Variants in INPP5D observed in about 807,000 individuals in gnomAD.
INPP5D encodes the protein inositol polyphosphate-5-phosphatase D, also known as phosphatidylinositol 3,4,5-trisphosphate 5-phosphatase 1.
Under a neutral mutation model 122.9 loss-of-function variants are expected in INPP5D, and 33 were observed. That is an observed-to-expected ratio of 0.27 (90% confidence interval 0.20 to 0.36). INPP5D has a LOEUF of 0.36. Among genes scored for constraint, INPP5D ranks in the 10% least tolerant of loss-of-function variants. The probability of loss-of-function intolerance (pLI) is 1.00; values close to 1 mark genes in which losing one functional copy is unlikely to be tolerated. For synonymous variants in INPP5D, 584 were observed against 576.2 expected (o/e 1.01, Z -0.19); for missense variants, 1,053 against 1,412.7 (o/e 0.75, Z 4.08).
intron 9 of INPP5D, among the ~76,000 whole-genome samples, chr2:233,149,958 G>A (rs911731407): frequency 2.6e-4 from 39 of 152,276 alleles, no homozygotes; most frequent in Middle Eastern, 3.4e-3. Flanking sequence ...TGATCTCAGG[G>A]AATGGCTGGG....
chr2:233,173,210 A>G (rs969510862), intron 17 of INPP5D, among the ~76,000 whole-genome samples: 22 of 57,744 alleles, frequency 3.8e-4, no homozygotes, highest in Non-Finnish European at 8.3e-4. Flanking sequence ...CTGTGTCTCA[A>G]AAAAAAAAAA....
intron 10 of INPP5D, 67 bp downstream of exon 10, chr2:233,158,486 G>A (rs967217621): frequency 4.4e-5 from 29 of 655,208 alleles, no homozygotes; most frequent in African/African-American, 2.0e-4. Context: ...TTTGAGGCTC[G>A]CTGTGTGCCA....
chr2:233,156,052 A>G (rs185082765), intron 9 of INPP5D, among the ~76,000 whole-genome samples: 1 of 152,356 alleles, frequency 6.6e-6, no homozygotes, highest in Non-Finnish European at 1.5e-5. Flanking sequence ...GAAAAGACAC[A>G]TGCATAGGAT....
At chr2:233,108,357 C>T (rs1034991152) in intron 2 of INPP5D, among the ~76,000 whole-genome samples, 3 of 152,208 alleles carry the variant, frequency 2.0e-5, no homozygotes, top group Admixed American at 6.5e-5. Context: ...CATCTCTGAC[C>T]GCTCAGGCAA....
chr2:233,179,565 C>G (rs1241246147), intron 18 of INPP5D, among the ~76,000 whole-genome samples: 1 of 152,200 alleles, frequency 6.6e-6, no homozygotes, highest in Non-Finnish European at 1.5e-5. Flanking sequence ...CCCCCACCTC[C>G]GGGCCCGGAA....
intron 2 of INPP5D, among the ~76,000 whole-genome samples, chr2:233,120,122 C>T (rs887786823): frequency 1.3e-5 from 2 of 152,182 alleles, no homozygotes; most frequent in Non-Finnish European, 2.9e-5. Context: ...AGCTGGCAGC[C>T]CCCAGAGGAG....
intron 9 of INPP5D, among the ~76,000 whole-genome samples, chr2:233,156,124 G>A (rs1011309684): frequency 1.3e-5 from 2 of 152,250 alleles, no homozygotes; most frequent in African/African-American, 4.8e-5. Flanking sequence ...TGAGTGTCAG[G>A]AAGATGCTGG....
At chr2:233,101,576 T>C (rs1692311734) in intron 2 of INPP5D, among the ~76,000 whole-genome samples, 1 of 146,990 alleles carries the variant, frequency 6.8e-6, no homozygotes, top group Non-Finnish European at 1.5e-5. Flanking sequence ...ATATGTCATA[T>C]AACATTATTA....
intron 19 of INPP5D, among the ~76,000 whole-genome samples, chr2:233,182,793 G>A (rs1355900050): frequency 3.9e-5 from 6 of 152,170 alleles, no homozygotes; most frequent in South Asian, 2.1e-4. Context: ...ATAATTCTCC[G>A]GGTGGGATGG....
intron 25 of INPP5D, among the ~76,000 whole-genome samples, 183 bp from the exon 26 acceptor site, chr2:233,203,943 T>A (rs745967738): frequency 2.0e-5 from 3 of 152,122 alleles, no homozygotes; most frequent in African/African-American, 4.8e-5. Context: ...CGAGACTCTG[T>A]CTCTAAAACA....
chr2:233,168,633 A>T (rs1036270195), intron 13 of INPP5D, among the ~76,000 whole-genome samples: 2 of 152,250 alleles, frequency 1.3e-5, no homozygotes, highest in African/African-American at 4.8e-5. Context: ...GAATGACAAA[A>T]GATGGTTTTT....
intron 2 of INPP5D, among the ~76,000 whole-genome samples, chr2:233,110,494 C>A (rs1182244772): frequency 2.0e-5 from 3 of 152,138 alleles, no homozygotes; most frequent in Non-Finnish European, 2.9e-5. Flanking sequence ...GCCACCGCGC[C>A]CAGCAACAAG....
intron 25 of INPP5D, among the ~76,000 whole-genome samples, chr2:233,201,196 C>T (rs1355377321): frequency 6.6e-6 from 1 of 152,052 alleles, no homozygotes; most frequent in Non-Finnish European, 1.5e-5. Context: ...AATATGAGGA[C>T]AAAAGGCACT....
chr2:233,174,949 G>C (rs557298054), intron 17 of INPP5D, among the ~76,000 whole-genome samples: 1 of 152,118 alleles, frequency 6.6e-6, no homozygotes, highest in African/African-American at 2.4e-5. Flanking sequence ...ATGTTTAGCC[G>C]GGCATGGTGG....
chr2:233,176,394 T>A (rs951232869), intron 17 of INPP5D, among the ~76,000 whole-genome samples: 105 of 150,394 alleles, frequency 7.0e-4, no homozygotes, highest in African/African-American at 2.4e-3. Flanking sequence ...GGTGGATGGA[T>A]GGATGGATAG....
At chr2:233,190,037 C>A in intron 22 of INPP5D, 100 bp downstream of exon 22, 3 of 1,503,070 alleles carry the variant, frequency 2.0e-6, no homozygotes, top group Admixed American at 2.2e-5. Context: ...CGGTCATAGG[C>A]TCCTGCCTCT....
In INPP5D at chr2:233,206,943, G is replaced by T; in HGVS notation, c.*235G>T. 1 of 514,582 alleles carries T rather than the reference G, an allele frequency of 1.9e-6. No individual in the cohort carries two copies. The highest frequency in any genetic ancestry group is 3.5e-6 in the Non-Finnish European group (1 of 285,744). 31.9% of individuals were successfully genotyped at this position (514,582 alleles called of 1,614,324 possible). A position where few individuals can be genotyped will look rare whatever the true frequency, so the allele number is the denominator to read the frequency against. ...CACCAGACGGGCAACAAACAGTCTG[G>T]GTCCCCAGCTCGCTCTTGGTACTTG... On this transcript the variant is annotated 3_prime_UTR_variant, in exon 27 of 27. Transcript: ENST00000445964. This position sits in a 1 kb window ranked among gnomAD's most constrained non-coding sequence, Gnocchi z 4.0.
rs1187503291 is a variant in INPP5D at position 233,130,589 on chromosome 2, G to A, written c.606G>A (p.Gly202=). The A allele has an allele frequency of 1.2e-6, 2 of 1,613,926 alleles. No homozygotes were observed. Among genetic ancestry groups the A allele is most frequent in the Non-Finnish European group, 1.7e-6 (2 of 1,179,862 alleles). ...LAQDSEFVKT[G]SSSLPHLKKL... ...AGGACTCTGAATTTGTGAAGACAGG[G>A]TCCAGCAGTCTTCCTCACCTGAAGA... is the stretch of plus-strand genomic sequence containing the variant. The change falls in exon 5 of 27, where the codon GGG becomes GGA. Residue 202 remains glycine, a synonymous_variant. Transcript: ENST00000445964.
At chr2:233,070,381 A>C (rs1476562811) in intron 1 of INPP5D, among the ~76,000 whole-genome samples, 2 of 151,796 alleles carry the variant, frequency 1.3e-5, no homozygotes, top group African/African-American at 2.4e-5. Context: ...CTTCTTGTAC[A>C]AGGCAGGTGG....
Sources: gnomAD v4.1 joint callset for allele counts (sites outside exome capture counted in the v4.1 genomes callset) on GRCh38, gnomAD v4.1.1 for gene constraint, Gnocchi (gnomAD v3.1) non-coding constraint, MANE v1.5 for transcripts, NCBI Gene and HGNC (gene_info 2026-07-23, HGNC 2026-07-21) for gene names.